NKAIN2: variants seen among roughly 807,000 people sequenced by gnomAD.
NKAIN2 encodes sodium/potassium-transporting ATPase subunit beta-1-interacting protein 2.
Under a neutral mutation model 32.6 loss-of-function variants are expected in NKAIN2, and 14 were observed. The observed-to-expected ratio is 0.43, with a 90% confidence interval of 0.28 to 0.67. The LOEUF is 0.67. Ranked by LOEUF, NKAIN2 falls within the 30% of genes least tolerant of loss-of-function variation. The pLI is 0.17. For synonymous variants in NKAIN2, 80 were observed against 87.2 expected (o/e 0.92, Z 0.46); for missense variants, 198 against 258.3 (o/e 0.77, Z 1.60).
chr6:124,732,845 C>A (rs552595623), intron 4 of NKAIN2, among the ~76,000 whole-genome samples: 15 of 152,008 alleles, frequency 9.9e-5, no homozygotes, highest in East Asian at 9.7e-4. Flanking sequence ...GATTTGAAAG[C>A]TTATATCCAT....
rs574538725 is a variant in NKAIN2 at position 124,046,916 on chromosome 6, A to C, written c.55-236089A>C. On this transcript the variant is annotated intron_variant, in intron 1 of 6. Transcript: ENST00000368417. ...AAATCCAGGAAAGTATATTGGAATG[A>C]GAAAATGGTCTACAATTTGACTGAG... is the stretch of plus-strand genomic sequence containing the variant. 3.9e-5 allele frequency among the ~76,000 whole-genome samples: 6 copies of C among 152,150 alleles called. No individual in the cohort carries two copies. The East Asian group carries it at 7.8e-4, about 20-fold the overall frequency.
chr6:124,524,412 A>G (rs1438381521), intron 3 of NKAIN2, among the ~76,000 whole-genome samples: 6 of 152,152 alleles, frequency 3.9e-5, no homozygotes, highest in Non-Finnish European at 7.4e-5. Context: ...CATTTACTAT[A>G]CCTTCAGTTT....
chr6:124,255,899 G>A (rs1011739469), intron 1 of NKAIN2, among the ~76,000 whole-genome samples: 4 of 152,180 alleles, frequency 2.6e-5, no homozygotes, highest in Non-Finnish European at 5.9e-5. Context: ...TGGCGCTGGT[G>A]TCTTTGGGGC....
At chr6:124,568,236 A>C (rs1223189915) in intron 3 of NKAIN2, among the ~76,000 whole-genome samples, 1 of 152,220 alleles carries the variant, frequency 6.6e-6, no homozygotes, top group East Asian at 1.9e-4. Context: ...TGAATAGTAA[A>C]GAATTGAAAC....
chr6:124,312,567 G>T (rs189028536), intron 2 of NKAIN2, among the ~76,000 whole-genome samples: 5 of 152,270 alleles, frequency 3.3e-5, no homozygotes, highest in African/African-American at 1.2e-4. Flanking sequence ...GGCAGGGTGT[G>T]GGGGAAGGAG....
chr6:124,591,204 C>A (rs759700571), intron 3 of NKAIN2, among the ~76,000 whole-genome samples: 1 of 152,234 alleles, frequency 6.6e-6, no homozygotes, highest in East Asian at 1.9e-4. Context: ...TGTACCATCA[C>A]ATGATTTAGC....
intron 1 of NKAIN2, among the ~76,000 whole-genome samples, chr6:123,972,813 G>A (rs7775234): frequency 0.65 from 99,100 of 151,888 alleles, 32,548 homozygotes; most frequent in East Asian, 0.7. Context: ...TGGAGATCAT[G>A]GGATTGGAAA....
chr6:124,030,498 G>A (rs1781360514), intron 1 of NKAIN2, among the ~76,000 whole-genome samples: 2 of 152,112 alleles, frequency 1.3e-5, no homozygotes, highest in Admixed American at 1.3e-4. Flanking sequence ...TTCTTACTAT[G>A]TAGAATGCAA....
At chr6:124,742,840 T>C (rs1777283717) in intron 4 of NKAIN2, among the ~76,000 whole-genome samples, 1 of 151,860 alleles carries the variant, frequency 6.6e-6, no homozygotes, top group Non-Finnish European at 1.5e-5. Context: ...TCCTGGAAGA[T>C]GTTCAGATTT....
intron 1 of NKAIN2, among the ~76,000 whole-genome samples, chr6:124,104,839 A>T (rs1343320596): frequency 6.6e-6 from 1 of 152,232 alleles, no homozygotes; most frequent in Non-Finnish European, 1.5e-5. Flanking sequence ...ATGCAGCAGG[A>T]TATCCCACTG....
At chr6:124,174,061 T>G (rs111355103) in intron 1 of NKAIN2, among the ~76,000 whole-genome samples, 133 of 152,286 alleles carry the variant, frequency 8.7e-4, no homozygotes, top group African/African-American at 3.2e-3. Context: ...TCATTTCTTA[T>G]TTTTAAAATC....
intron 3 of NKAIN2, among the ~76,000 whole-genome samples, chr6:124,426,911 C>T (rs1775005971): frequency 6.6e-6 from 1 of 152,120 alleles, no homozygotes; most frequent in South Asian, 2.1e-4. Flanking sequence ...GTGAGATGTA[C>T]CTTTCACCTT....
intron 1 of NKAIN2, among the ~76,000 whole-genome samples, chr6:123,942,612 G>A (rs1490750057): frequency 6.6e-6 from 1 of 151,968 alleles, no homozygotes; most frequent in African/African-American, 2.4e-5. Flanking sequence ...AGACTATGCT[G>A]CAGGTGGAAT....
intron 1 of NKAIN2, among the ~76,000 whole-genome samples, chr6:123,906,315 A>C (rs1774865561): frequency 6.8e-6 from 1 of 146,832 alleles, no homozygotes; most frequent in South Asian, 2.2e-4. Context: ...TCAGGGTCTT[A>C]CTCTTTTCAC....
intron 1 of NKAIN2, among the ~76,000 whole-genome samples, chr6:124,015,206 A>G (rs113440388): frequency 0.025 from 3,872 of 152,200 alleles, 151 homozygotes; most frequent in African/African-American, 0.085. Flanking sequence ...AAGGAAAGGG[A>G]TGCTTTCTCT....
rs566751461 is a variant in NKAIN2, at chr6:124,350,305, A to G, written c.193-4962A>G. On this transcript the variant is annotated intron_variant, in intron 2 of 6. Transcript: ENST00000368417. ...AGAGCAGGGTTTATTGACAAAAATC[A>G]TAGGCCGAATTACAAGGCAGTACAA... Among the ~76,000 whole-genome samples the G allele has an allele frequency of 2.8e-4, 43 of 152,308 alleles. No homozygotes were observed. In the South Asian group the frequency reaches 8.1e-3, roughly 29 times the overall value.
At chr6:124,721,922 GAACTTTTTTTGTCTGTAAAACTGAA>G (rs1193007778) in intron 4 of NKAIN2, among the ~76,000 whole-genome samples, 4 of 152,214 alleles carry the variant, frequency 2.6e-5, no homozygotes, top group South Asian at 4.1e-4. Context: ...CCAATCTCCA[GAACTTTTTTTGTCTGTAAAACTGAA>G]ATTCTATGCC....
chr6:124,359,807 A>G (rs1247984054), intron 3 of NKAIN2, among the ~76,000 whole-genome samples: 1 of 152,066 alleles, frequency 6.6e-6, no homozygotes, highest in African/African-American at 2.4e-5. Flanking sequence ...TTCCAACACT[A>G]TGTTGAATAG....
At chr6:124,294,606 A>G (rs181720905) in intron 2 of NKAIN2, among the ~76,000 whole-genome samples, 293 of 152,270 alleles carry the variant, frequency 1.9e-3, no homozygotes, top group Admixed American at 4.1e-3. Flanking sequence ...TTCCAAATAA[A>G]TCTTTCCTTG....
Sources: gnomAD v4.1 joint callset for allele counts (sites outside exome capture counted in the v4.1 genomes callset) on GRCh38, gnomAD v4.1.1 for gene constraint, MANE v1.5 for transcripts, NCBI Gene and HGNC (gene_info 2026-07-23, HGNC 2026-07-21) for gene names.